DNAH10: variants seen among roughly 807,000 people sequenced by gnomAD.
DNAH10 encodes the protein dynein axonemal heavy chain 10, also known as axonemal beta dynein heavy chain 10.
A neutral mutation model predicts 506.6 loss-of-function variants in DNAH10; 348 were observed. The observed-to-expected ratio is 0.69, with a 90% confidence interval of 0.63 to 0.75. DNAH10 has a LOEUF of 0.75. Among genes scored for constraint, DNAH10 ranks in the 30% least tolerant of loss-of-function variants. The pLI is 0.00. For synonymous variants in DNAH10, 2,059 were observed against 2,198.6 expected, an observed-to-expected ratio of 0.94 and a Z score of 1.78; for missense variants, 5,179 against 5,787.1, an observed-to-expected ratio of 0.89 and a Z score of 3.41.
In DNAH10 at chr12:123,881,759, G is replaced by A; in HGVS notation, c.8769G>A (p.Gly2923=). 1 of 1,540,336 alleles carries A rather than the reference G, an allele frequency of 6.5e-7. No homozygotes were observed. The highest frequency in any genetic ancestry group is 8.8e-7 in the Non-Finnish European group (1 of 1,141,498). Residue 2923 remains glycine, a synonymous_variant, in exon 51 of 79, where the codon GGG becomes GGA. Transcript: ENST00000673944. ...DRGHALLVGV[G]GSGKQSLSRL... ...GCCACGCCCTGCTGGTCGGGGTAGGGGGCTCAGGGAAGCAGTCTCTTTCGA... is the reference window on the plus strand; with the variant it reads ...GCCACGCCCTGCTGGTCGGGGTAGGAGGCTCAGGGAAGCAGTCTCTTTCGA...
intron 65 of DNAH10, 33 bp downstream of exon 65, chr12:123,918,982 T>C: frequency 1.3e-6 from 2 of 1,527,694 alleles, no homozygotes; most frequent in Non-Finnish European, 1.8e-6. Flanking sequence ...GACATGTTAG[T>C]GTAGTTTGGT....
At chr12:123,843,094 T>C (rs1400914998) in intron 30 of DNAH10, among the ~76,000 whole-genome samples, 3 of 152,262 alleles carry the variant, frequency 2.0e-5, no homozygotes, top group Non-Finnish European at 4.4e-5. Context: ...AGGGCATTGC[T>C]ATGTTTGGTA....
Position 123,838,677 on chromosome 12 carries a change from G to A in DNAH10, c.5124G>A (p.Glu1708=). 3.7e-6 allele frequency: 6 copies of A among 1,613,634 alleles called. No individual in the cohort carries two copies. Among genetic ancestry groups the A allele is most frequent in the Non-Finnish European group, 4.2e-6 (5 of 1,179,760 alleles). The change falls in exon 29 of 79, where the codon GAG becomes GAA. Residue 1708 remains glutamate, a synonymous_variant. Coordinates refer to ENST00000673944, the MANE Select transcript of DNAH10 (RefSeq NM_001372106.1). The part of the protein sequence containing the change: ...LGSSDPLCVQ[E]HMIKMYDNIA... ...GCAGCGACCCACTCTGCGTCCAGGA[G>A]CACATGATCAAGGTCAGCCCTCTGG... is the stretch of plus-strand genomic sequence containing the variant.
intron 24 of DNAH10, among the ~76,000 whole-genome samples, chr12:123,823,070 G>A (rs560724069): frequency 1.5e-4 from 23 of 152,370 alleles, no homozygotes; most frequent in African/African-American, 4.1e-4. Context: ...TCCTGAGCTT[G>A]CAGAGGAGGA....
At chr12:123,798,088 A>G (rs1024184398) in intron 13 of DNAH10, among the ~76,000 whole-genome samples, 6 of 152,130 alleles carry the variant, frequency 3.9e-5, no homozygotes, top group African/African-American at 7.2e-5. Flanking sequence ...TTTCTTTTTA[A>G]TCATCTAAAT....
intron 32 of DNAH10, among the ~76,000 whole-genome samples, chr12:123,847,263 T>TATCTATCC (rs1184155104): frequency 3.7e-4 from 44 of 118,092 alleles, no homozygotes; most frequent in African/African-American, 1.5e-3. Context: ...TCTATCTATC[T>TATCTATCC]ATCCATCCAT....
rs1281240221 is a variant in DNAH10, at chr12:123,873,162, C to T, written c.7786-396C>T. Among the ~76,000 whole-genome samples, 4 of 152,192 alleles carry T rather than the reference C, an allele frequency of 2.6e-5. 1 individual carries two copies. Among genetic ancestry groups the T allele is most frequent in the Admixed American group, 2.0e-4 (3 of 15,278 alleles). On this transcript the variant is annotated intron_variant, in intron 45 of 78. Coordinates refer to ENST00000673944, the MANE Select transcript of DNAH10 (RefSeq NM_001372106.1). ...ATACTGTTGGATATTGCATCTCATA[C>T]GATGCAATAGCTCTATGAAGTAGTC...
intron 64 of DNAH10, among the ~76,000 whole-genome samples, chr12:123,918,095 A>G (rs1273560531): frequency 1.3e-5 from 2 of 152,198 alleles, no homozygotes; most frequent in Non-Finnish European, 2.9e-5. Context: ...AAAAGTTCAG[A>G]GATGGCCTCA....
intron 12 of DNAH10, 118 bp downstream of exon 12, chr12:123,794,230 C>CA (rs1368236530): frequency 1.2e-6 from 1 of 811,170 alleles, no homozygotes; most frequent in Non-Finnish European, 1.6e-6. Flanking sequence ...AGAATTTTCC[C>CA]AAATTAGCAT....
rs1953963009 is a variant in DNAH10, at chr12:123,909,386, C to T, written c.9941C>T (p.Ser3314Phe). 3 of 1,610,870 alleles carry T rather than the reference C, an allele frequency of 1.9e-6. No individual in the cohort carries two copies. Among genetic ancestry groups the T allele is most frequent in the Non-Finnish European group, 2.5e-6 (3 of 1,178,568 alleles). ...GVMSDPNFLR[S>F]LMEIDFDSIT... ...ATGTCCGACCCGAATTTCCTGCGGT[C>T]TCTGATGGAGATTGATTTTGATTCG... is the stretch of plus-strand genomic sequence containing the variant. The change falls in exon 58 of 79, where the codon TCT becomes TTT. Residue 3314 changes from serine (S) to phenylalanine (F), a missense_variant. Ser to Phe is a radical substitution (Grantham distance 155). This residue lies in a region of DNAH10 where 4,844 missense variants were observed against 5,430.5 expected (regional missense o/e 0.89). Coordinates refer to ENST00000673944, the MANE Select transcript of DNAH10 (RefSeq NM_001372106.1). This position sits in a 1 kb window ranked among gnomAD's most constrained non-coding sequence, Gnocchi z 5.4.
At chr12:123,771,518 G>A (rs1237373026) in intron 2 of DNAH10, 83 bp from the exon 3 acceptor site, 8 of 1,097,590 alleles carry the variant, frequency 7.3e-6, no homozygotes, top group Non-Finnish European at 2.7e-6. Context: ...AAATGTACTG[G>A]TGCACAAAAT....
At chr12:123,816,994 T>G (rs1006556641) in intron 21 of DNAH10, among the ~76,000 whole-genome samples, 1 of 152,206 alleles carries the variant, frequency 6.6e-6, no homozygotes, top group African/African-American at 2.4e-5. Context: ...TTTTTATCCC[T>G]TCTATGTGTG....
Position 123,919,946 on chromosome 12 carries a change from G to A in DNAH10, c.11506+997G>A, listed in dbSNP as rs891494094. Among the ~76,000 whole-genome samples, 1 of 152,216 alleles carries A rather than the reference G, an allele frequency of 6.6e-6. No individual in the cohort carries two copies. Among genetic ancestry groups the A allele is most frequent in the Non-Finnish European group, 1.5e-5 (1 of 68,040 alleles). On this transcript the variant is annotated intron_variant, in intron 65 of 78. Transcript: ENST00000673944. This position sits in a 1 kb window ranked among gnomAD's most constrained non-coding sequence, Gnocchi z 4.9. ...TTTGTGTGCAGGTTTTTGTGTGAATGTGTGTTTTTAATTCTCTTGGGGGTA... is the reference window on the plus strand; with the variant it reads ...TTTGTGTGCAGGTTTTTGTGTGAATATGTGTTTTTAATTCTCTTGGGGGTA...
chr12:123,895,323 C>T (rs1953170838), intron 54 of DNAH10, among the ~76,000 whole-genome samples: 1 of 152,138 alleles, frequency 6.6e-6, no homozygotes, highest in African/African-American at 2.4e-5. Context: ...CTAACTTGAG[C>T]AGATTTATGA....
intron 66 of DNAH10, 155 bp downstream of exon 66, chr12:123,924,022 G>A: frequency 1.4e-6 from 1 of 734,284 alleles, no homozygotes; most frequent in South Asian, 2.0e-5. Context: ...GATCATTCCA[G>A]CCTCAGAAAT....
chr12:123,839,209 A>G (rs1950676991), intron 29 of DNAH10, among the ~76,000 whole-genome samples: 1 of 148,666 alleles, frequency 6.7e-6, no homozygotes, highest in South Asian at 2.1e-4. Flanking sequence ...CTTTCTTTTT[A>G]TAAACTAAAA....
At chr12:123,921,117 GTTGT>G (rs1954701007) in intron 65 of DNAH10, among the ~76,000 whole-genome samples, 1 of 152,148 alleles carries the variant, frequency 6.6e-6, no homozygotes, top group African/African-American at 2.4e-5. Context: ...TGATTGCTGG[GTTGT>G]TTCCCGTCGT....
At chr12:123,793,655 T>A (rs1958171051) in intron 11 of DNAH10, among the ~76,000 whole-genome samples, 2 of 152,282 alleles carry the variant, frequency 1.3e-5, no homozygotes, top group Middle Eastern at 6.8e-3. Context: ...CATTACTTTC[T>A]TACTAAAAAT....
intron 24 of DNAH10, among the ~76,000 whole-genome samples, chr12:123,824,823 G>T (rs1959797345): frequency 6.6e-6 from 1 of 152,000 alleles, no homozygotes; most frequent in South Asian, 2.1e-4. Context: ...ACTGGATTTA[G>T]GGCCCACTCT....
Sources: allele counts gnomAD v4.1 joint callset (sites outside exome capture counted in the v4.1 genomes callset), GRCh38; gene constraint gnomAD v4.1.1; regional missense constraint gnomAD v4.1.1; non-coding constraint Gnocchi (gnomAD v3.1); transcripts MANE v1.5; gene names NCBI Gene and HGNC (gene_info 2026-07-23, HGNC 2026-07-21).